The following RRP1 variants were observed in gnomAD, a reference collection of about 807,000 sequenced individuals.
RRP1 encodes the protein ribosomal RNA processing protein 1 homolog A.
In RRP1, 37 loss-of-function variants were observed where a neutral mutation model predicts 54.6. The observed-to-expected ratio is 0.68, with a 90% CI of 0.52 to 0.89. RRP1 has a LOEUF of 0.89. Ranked by LOEUF, RRP1 falls within the 40% of genes least tolerant of loss-of-function variation. The probability of loss-of-function intolerance (pLI) is 0.00; values close to 1 mark genes in which losing one functional copy is unlikely to be tolerated. For missense variants in RRP1, 639 were observed against 612.5 expected, an observed-to-expected ratio of 1.04 and a Z score of -0.46; for synonymous variants, 262 against 244.3, an observed-to-expected ratio of 1.07 and a Z score of -0.67.
chr21:43,802,558 T>C (rs1200742805), intron 12 of RRP1, 171 bp downstream of exon 12: 6 of 600,598 alleles, frequency 1.0e-5, no homozygotes, highest in Non-Finnish European at 1.5e-5. Context: ...GCATCCCTCC[T>C]GTAGGCCTCT....
rs767684888 is a variant in RRP1, at chr21:43,797,358, G to C, written c.423-64G>C. The C allele has an allele frequency of 1.8e-5, 28 of 1,544,642 alleles. No homozygotes were observed. The African/African-American group carries it at 2.6e-4, about 14-fold the overall frequency. On this transcript the variant is annotated intron_variant, in intron 5 of 12. Coordinates refer to ENST00000497547, the MANE Select transcript of RRP1 (RefSeq NM_003683.6). ...TCAGAGCGTGTAACCATGGGAGAGT[G>C]GGGGGCACGGCTGTCTTGGGGCTCA... is the stretch of plus-strand genomic sequence containing the variant.
At chr21:43,800,962 G>A in intron 11 of RRP1, 81 bp downstream of exon 11, 1 of 1,464,372 alleles carries the variant, frequency 6.8e-7, no homozygotes, top group South Asian at 1.1e-5. Flanking sequence ...GGTTCTAGGG[G>A]TCTCATAGCA....
At chr21:43,793,129 T>C in intron 3 of RRP1, 190 bp from the exon 4 acceptor site, 1 of 600,932 alleles carries the variant, frequency 1.7e-6, no homozygotes, top group Non-Finnish European at 2.9e-6. Flanking sequence ...TAGGACTCAC[T>C]TGAGGAGCCT....
At chr21:43,799,443 TC>T (rs1433491799) in intron 8 of RRP1, 126 bp from the exon 9 acceptor site, 1 of 944,854 alleles carries the variant, frequency 1.1e-6, no homozygotes, top group Non-Finnish European at 1.6e-6. Context: ...GGCTGTCCGT[TC>T]CCGGGTGTTT....
At chr21:43,801,210 C>T (rs1042918744) in intron 11 of RRP1, among the ~76,000 whole-genome samples, 1 of 152,072 alleles carries the variant, frequency 6.6e-6, no homozygotes, top group African/African-American at 2.4e-5. Flanking sequence ...CAGCGCGTGG[C>T]GGATGGAACT....
chr21:43,799,036 A>G (rs973475950), intron 8 of RRP1, among the ~76,000 whole-genome samples: 1 of 151,726 alleles, frequency 6.6e-6, no homozygotes, highest in Admixed American at 6.6e-5. Flanking sequence ...CCCTGCTGCC[A>G]GCTACAGAGC....
chr21:43,789,728 G>A lies in RRP1; in HGVS notation c.99G>A (p.Arg33=), dbSNP rs1569011638. 5.2e-6 allele frequency: 8 copies of A among 1,540,610 alleles called. No homozygotes were observed. The highest frequency in any genetic ancestry group is 4.4e-6 in the Non-Finnish European group (5 of 1,143,080). ...VTRDRAVRKL[R]KYIVARTQRA... is the part of the protein sequence containing the mutation. ...GGGACCGGGCGGTGAGGAAGCTCCG[G>A]AAATACATCGTCGCCAGGACTCAGC... is the stretch of plus-strand genomic sequence containing the variant. The change falls in exon 1 of 13, where the codon CGG becomes CGA. Residue 33 remains arginine (R), a synonymous_variant. Transcript: ENST00000497547.
intron 4 of RRP1, among the ~76,000 whole-genome samples, chr21:43,793,816 G>C (rs1467467656): frequency 2.0e-5 from 3 of 152,222 alleles, no homozygotes; most frequent in Non-Finnish European, 2.9e-5. Context: ...GATGGTCACA[G>C]TGTGGGACTT....
At chr21:43,790,733 A>C (rs981146733) in intron 1 of RRP1, 25 of 289,196 alleles carry the variant, frequency 8.6e-5, no homozygotes, top group African/African-American at 3.8e-4. Context: ...GACTACTGGC[A>C]CCGTGCGGCC....
intron 11 of RRP1, among the ~76,000 whole-genome samples, chr21:43,801,497 C>T (rs1005715853): frequency 1.3e-5 from 2 of 152,106 alleles, no homozygotes; most frequent in Non-Finnish European, 1.5e-5. Context: ...TTTTTTGAGG[C>T]GGTGTCTCGC....
chr21:43,803,542 G>A lies in RRP1; in HGVS notation c.1154G>A (p.Gly385Asp), dbSNP rs1160289315. The change falls in exon 13 of 13, where the codon GGC becomes GAC. Residue 385 changes from glycine (G) to aspartate (D), a missense_variant. By Grantham distance (94) the Gly-to-Asp change is moderately conservative. Transcript: ENST00000497547. The stretch of plus-strand genomic sequence containing the variant: ...GGTGAGAAGGAGCCCCCGAGCCCGG[G>A]CATGGAGAGGAAGAGGAGCAGGAGG... ...GKGEKEPPSP[G>D]MERKRSRRRG... 2.6e-6 allele frequency: 4 copies of A among 1,557,936 alleles called. No homozygotes were observed. The highest frequency in any genetic ancestry group is 8.7e-7 in the Non-Finnish European group (1 of 1,150,662).
In RRP1 at chr21:43,803,467, C is replaced by G. The variant is rs757870322; in HGVS notation, c.1124-45C>G. The G allele has an allele frequency of 7.3e-6, 11 of 1,501,250 alleles. No individual in the cohort carries two copies. The South Asian group carries it at 1.4e-4, about 19-fold the overall frequency. 93.0% of individuals were successfully genotyped at this position (1,501,250 alleles called of 1,614,324 possible). ...CTGAGTTGGAGTAAGTGGAAAGAGCCCGTGTTGGCATTCTCTGGCTCATGG... is the reference window on the plus strand; with the variant it reads ...CTGAGTTGGAGTAAGTGGAAAGAGCGCGTGTTGGCATTCTCTGGCTCATGG... On this transcript the variant is annotated intron_variant, in intron 12 of 12. Transcript: ENST00000497547.
At chr21:43,796,276 A>G (rs1435886356) in intron 5 of RRP1, among the ~76,000 whole-genome samples, 1 of 151,902 alleles carries the variant, frequency 6.6e-6, no homozygotes. Context: ...CCCTGGCAGG[A>G]CTCTGATGCC....
chr21:43,798,236 A>G (rs1423667938), intron 8 of RRP1, 136 bp downstream of exon 8: 6 of 738,996 alleles, frequency 8.1e-6, no homozygotes, highest in African/African-American at 3.6e-5. Context: ...CATCCTCAGC[A>G]TAGAAGCCAG....
intron 4 of RRP1, among the ~76,000 whole-genome samples, chr21:43,793,927 G>A (rs763876997): frequency 6.6e-6 from 1 of 152,150 alleles, no homozygotes; most frequent in Non-Finnish European, 1.5e-5. Context: ...TTGCTGCCCG[G>A]ACCTGCTTCT....
intron 11 of RRP1, among the ~76,000 whole-genome samples, chr21:43,801,972 T>A (rs1432890074): frequency 6.6e-6 from 1 of 151,338 alleles, no homozygotes; most frequent in Non-Finnish European, 1.5e-5. Context: ...GATGCAGACG[T>A]TCCAAAACAA....
At chr21:43,798,183 C>G in intron 8 of RRP1, 83 bp downstream of exon 8, 1 of 1,196,592 alleles carries the variant, frequency 8.4e-7, no homozygotes, top group South Asian at 1.5e-5. Context: ...TTGCTCCTGC[C>G]ACCTCCTACC....
In RRP1 at chr21:43,796,879, G is replaced by A. The variant is rs910002841; in HGVS notation, c.423-543G>A. ...CAGGGCCTGTGATGCCATCAAACCC[G>A]CCTGCCAGGGAGAGCTCTGGTGGAC... is the stretch of plus-strand genomic sequence containing the variant. On this transcript the variant is annotated intron_variant, in intron 5 of 12. Coordinates refer to ENST00000497547, the MANE Select transcript of RRP1 (RefSeq NM_003683.6). Among the ~76,000 whole-genome samples the A allele has an allele frequency of 3.9e-5, 6 of 152,182 alleles. No individual in the cohort carries two copies. The South Asian group carries it at 8.3e-4, about 21-fold the overall frequency.
chr21:43,801,498 G>A (rs762014553), intron 11 of RRP1, among the ~76,000 whole-genome samples: 3 of 152,022 alleles, frequency 2.0e-5, no homozygotes, highest in Non-Finnish European at 4.4e-5. Context: ...TTTTTGAGGC[G>A]GTGTCTCGCT....
Sources: gnomAD v4.1 joint callset for allele counts (sites outside exome capture counted in the v4.1 genomes callset) on GRCh38, gnomAD v4.1.1 for gene constraint, MANE v1.5 for transcripts, NCBI Gene and HGNC (gene_info 2026-07-23, HGNC 2026-07-21) for gene names.